HEATR5B: variants seen among roughly 807,000 people sequenced by gnomAD.
HEATR5B encodes the protein HEAT repeat-containing protein 5B.
A neutral mutation model predicts 224.1 loss-of-function variants in HEATR5B; 156 were observed. The observed-to-expected ratio is 0.70, with a 90% CI of 0.61 to 0.80. HEATR5B has a LOEUF of 0.80. HEATR5B is among the 30% of genes least tolerant of loss of function. The pLI is 0.00. For missense variants in HEATR5B, 2,323 were observed against 2,535.5 expected (o/e 0.92, Z 1.80); for synonymous variants, 1,027 against 893.0 (o/e 1.15, Z -2.68).
At chr2:37,061,829 A>C in intron 11 of HEATR5B, 110 bp downstream of exon 11, 4 of 632,902 alleles carry the variant, frequency 6.3e-6, no homozygotes, top group Non-Finnish European at 1.1e-5. Flanking sequence ...CCATTTTTAC[A>C]ACTTCAATGA....
At chr2:37,058,829 G>A (rs1216810120) in intron 13 of HEATR5B, 59 bp downstream of exon 13, 2 of 1,028,040 alleles carry the variant, frequency 1.9e-6, no homozygotes, top group South Asian at 1.5e-5. Flanking sequence ...AAATATGGCT[G>A]AGAAGTATAT....
At chr2:37,019,334 A>G (rs908680456) in intron 26 of HEATR5B, among the ~76,000 whole-genome samples, 1 of 152,172 alleles carries the variant, frequency 6.6e-6, no homozygotes, top group Admixed American at 6.5e-5. Flanking sequence ...TGTGTGGTCA[A>G]AAACAATGTT....
In HEATR5B at chr2:37,028,045, C is replaced by A; in HGVS notation, c.3731G>T (p.Arg1244Leu). ...GGCAGCAAATACTCGAGTGGCCCAG[C>A]GAGGGGCCACAAAGGGCTTTGATTT... ...EDKSKPFVAP[R>L]WATRVFAADC... The change falls in exon 24 of 36, where the codon CGC becomes CTC. Residue 1244 changes from arginine (R) to leucine (L), a missense_variant. Around this residue, in one of 12 missense-constraint regions of HEATR5B, gnomAD observed 339 missense variants for 378.4 expected, o/e 0.90. Coordinates refer to ENST00000233099, the MANE Select transcript of HEATR5B (RefSeq NM_019024.3). The A allele has an allele frequency of 6.2e-7, 1 of 1,614,112 alleles. No individual in the cohort carries two copies. Among genetic ancestry groups the A allele is most frequent in the Non-Finnish European group, 8.5e-7 (1 of 1,180,000 alleles).
Position 37,002,516 on chromosome 2 carries a change from C to T in HEATR5B, c.5107G>A (p.Gly1703Ser), listed in dbSNP as rs143088135. ...CTVLGEGGDS[G>S]GLIPGKSLVF... ...AGAGATTTTCCAGGAATGAGACCACCGCTGTCACCTCCTTCTCCCAATACG... is the reference window on the plus strand; with the variant it reads ...AGAGATTTTCCAGGAATGAGACCACTGCTGTCACCTCCTTCTCCCAATACG... The change falls in exon 32 of 36, where the codon GGT becomes AGT. Residue 1703 changes from glycine (G) to serine (S), a missense_variant. Physicochemically the swap from Gly to Ser is moderately conservative, Grantham distance 56 (BLOSUM62 0). Coordinates refer to ENST00000233099, the MANE Select transcript of HEATR5B (RefSeq NM_019024.3). 9.9e-6 allele frequency: 16 copies of T among 1,614,042 alleles called. No homozygotes were observed. Among genetic ancestry groups the T allele is most frequent in the African/African-American group, 4.0e-5 (3 of 74,942 alleles).
chr2:37,026,264 G>A (rs1446016695), intron 24 of HEATR5B, among the ~76,000 whole-genome samples: 1 of 152,166 alleles, frequency 6.6e-6, no homozygotes, highest in Non-Finnish European at 1.5e-5. Context: ...GCCCCCTAGA[G>A]CCTCTAGAAA....
Position 37,003,563 on chromosome 2 carries a change from G to C in HEATR5B, c.5029C>G (p.Gln1677Glu). The change falls in exon 31 of 36, where the codon CAA (glutamine) becomes GAA (glutamate). Residue 1677 changes from glutamine to glutamate, a missense_variant. By Grantham distance (29) the Gln-to-Glu change is conservative. This residue lies in a region of HEATR5B where 844 missense variants were observed against 812.9 expected (regional missense o/e 1.04). Transcript: ENST00000233099. ...TTACTTAGAGTGTTTCTTTTCTCTT[G>C]CAAATAATCCTGAGCAGCTCTTACT... Reference protein sequence around the residue: ...QIVRAAQDYLQEKRNTLNEDD... With the variant: ...QIVRAAQDYLEEKRNTLNEDD... 2 of 1,605,896 alleles carry C rather than the reference G, an allele frequency of 1.2e-6. No homozygotes were observed. Among genetic ancestry groups the C allele is most frequent in the African/African-American group, 1.3e-5 (1 of 74,720 alleles).
At chr2:37,008,373 C>A (rs1182607785) in intron 28 of HEATR5B, 1 of 553,944 alleles carries the variant, frequency 1.8e-6, no homozygotes, top group Non-Finnish European at 3.2e-6. Context: ...CTAGCTCATA[C>A]AGCTATTATT....
At position 37,060,708 on chromosome 2, in the gene HEATR5B, C is replaced by A; in HGVS notation, c.1722G>T (p.Leu574=). The change falls in exon 12 of 36, where the codon CTG becomes CTT. Residue 574 remains leucine, a synonymous_variant. Transcript: ENST00000233099. Reference sequence around the variant, plus strand: ...TTCGCCACAATAACAACATCTTGGGCAGATGGTAACGAACGACAGATGGTC... The same window carrying A: ...TTCGCCACAATAACAACATCTTGGGAAGATGGTAACGAACGACAGATGGTC... The part of the protein sequence containing the change: ...TLGPSVVRYH[L]PKMLLLWRNV... 1 of 1,613,490 alleles carries A rather than the reference C, an allele frequency of 6.2e-7. No individual in the cohort carries two copies. Among genetic ancestry groups the A allele is most frequent in the South Asian group, 1.1e-5 (1 of 91,034 alleles).
intron 11 of HEATR5B, 116 bp downstream of exon 11, chr2:37,061,823 T>G (rs1231915720): frequency 3.2e-6 from 2 of 621,106 alleles, no homozygotes; most frequent in Non-Finnish European, 5.7e-6. Flanking sequence ...TTTACACCAT[T>G]TTTACAACTT....
chr2:37,005,275 T>C (rs1330830054), intron 30 of HEATR5B, among the ~76,000 whole-genome samples: 4 of 152,200 alleles, frequency 2.6e-5, no homozygotes, highest in Non-Finnish European at 5.9e-5. Context: ...TCTTGAAGAT[T>C]TGATTCAACC....
intron 4 of HEATR5B, among the ~76,000 whole-genome samples, chr2:37,076,480 A>T (rs1435411597): frequency 2.6e-4 from 39 of 152,166 alleles, no homozygotes; most frequent in Admixed American, 2.6e-3. Context: ...AAGGAAAGGA[A>T]ACATTCTTCC....
chr2:37,008,762 G>A lies in HEATR5B; in HGVS notation c.4371C>T (p.Asp1457=). The part of the protein sequence containing the change: ...AIKNTDDDDD[D]CGTIDELPPD... ...GTGGCAGTTCATCGATGGTACCACAGTCGTCATCATCATCGTCAGTATTTT... is the reference window on the plus strand; with the variant it reads ...GTGGCAGTTCATCGATGGTACCACAATCGTCATCATCATCGTCAGTATTTT... Residue 1457 remains aspartate, a synonymous_variant, in exon 28 of 36, where the codon GAC becomes GAT. Coordinates refer to ENST00000233099, the MANE Select transcript of HEATR5B (RefSeq NM_019024.3). 6.2e-7 allele frequency: 1 copy of A among 1,613,944 alleles called. No individual in the cohort carries two copies. The highest frequency in any genetic ancestry group is 8.5e-7 in the Non-Finnish European group (1 of 1,179,854).
rs770747968 is a variant in HEATR5B, at chr2:37,003,533, A to C, written c.5050+9T>G. ...TTTACTTCAAGTTAGTGTAATTTCTAGTGCTTACTTAGAGTGTTTCTTTTC... is the reference window on the plus strand; with the variant it reads ...TTTACTTCAAGTTAGTGTAATTTCTCGTGCTTACTTAGAGTGTTTCTTTTC... On this transcript the variant is annotated intron_variant, in intron 31 of 35. Coordinates refer to ENST00000233099, the MANE Select transcript of HEATR5B (RefSeq NM_019024.3). 2 of 1,574,838 alleles carry C rather than the reference A, an allele frequency of 1.3e-6. No homozygotes were observed. The highest frequency in any genetic ancestry group is 2.3e-5 in the South Asian group (2 of 86,124).
intron 21 of HEATR5B, among the ~76,000 whole-genome samples, chr2:37,036,853 G>T: frequency 6.6e-6 from 1 of 151,784 alleles, no homozygotes; most frequent in Non-Finnish European, 1.5e-5. Context: ...TGAATGTCAG[G>T]ATTATGATAG....
At chr2:37,075,923 C>G (rs1672199605) in intron 4 of HEATR5B, 1 of 188,240 alleles carries the variant, frequency 5.3e-6, no homozygotes, top group Non-Finnish European at 1.1e-5. Context: ...GATTCAAAAG[C>G]TTCAATATCA....
At chr2:37,047,085 T>G (rs1670250480) in intron 18 of HEATR5B, among the ~76,000 whole-genome samples, 1 of 143,954 alleles carries the variant, frequency 6.9e-6, no homozygotes, top group Admixed American at 6.9e-5. Flanking sequence ...GTCTCCCTCC[T>G]GTAATCCCAA....
At chr2:37,039,480 C>T (rs1038330554) in intron 20 of HEATR5B, among the ~76,000 whole-genome samples, 5 of 152,092 alleles carry the variant, frequency 3.3e-5, no homozygotes, top group Non-Finnish European at 4.4e-5. Context: ...ATGCAAGCAT[C>T]GGAAATTGAT....
rs543184858 is a variant in HEATR5B at position 36,996,551 on chromosome 2, G to A, written c.5545+4035C>T. On this transcript the variant is annotated intron_variant, in intron 33 of 35. Coordinates refer to ENST00000233099, the MANE Select transcript of HEATR5B (RefSeq NM_019024.3). Reference sequence around the variant, plus strand: ...TCCACCTTGGCCTCCCAAGTAGATGGAATTACAGGCACCTGCCACCATGCC... The same window carrying A: ...TCCACCTTGGCCTCCCAAGTAGATGAAATTACAGGCACCTGCCACCATGCC... 2.6e-3 allele frequency among the ~76,000 whole-genome samples: 396 copies of A among 151,706 alleles called. 2 individuals carry two copies. The highest frequency in any genetic ancestry group is 4.7e-3 in the Admixed American group (72 of 15,222).
At position 36,992,510 on chromosome 2, in the gene HEATR5B, G is replaced by A. The variant is rs192636541; in HGVS notation, c.5546-1711C>T. Among the ~76,000 whole-genome samples, 327 of 150,860 alleles carry A rather than the reference G, an allele frequency of 2.2e-3. 3 individuals are homozygous for A. The highest frequency in any genetic ancestry group is 7.7e-3 in the African/African-American group (317 of 41,178). ...GCAGGAGGATCACTTTAGCCCTAGA[G>A]GTTAAGGTGGCAGTGAGCTGCGTTC... On this transcript the variant is annotated intron_variant, in intron 33 of 35. Transcript: ENST00000233099.
Sources: allele counts gnomAD v4.1 joint callset (sites outside exome capture counted in the v4.1 genomes callset), GRCh38; gene constraint gnomAD v4.1.1; regional missense constraint gnomAD v4.1.1; transcripts MANE v1.5; gene names NCBI Gene and HGNC (gene_info 2026-07-23, HGNC 2026-07-21).